The following PITPNA variants were observed in gnomAD, a reference collection of about 807,000 sequenced individuals.
The protein encoded by PITPNA is phosphatidylinositol transfer protein alpha isoform.
PITPNA carries 13 observed loss-of-function variants against 50.3 expected under a neutral mutation model. The observed-to-expected ratio is 0.26, with a 90% CI of 0.17 to 0.41. The LOEUF (loss-of-function observed/expected upper bound fraction) is 0.41, where lower values mean the gene tolerates loss of function less well. PITPNA is among the 10% of genes least tolerant of loss of function. PITPNA has a pLI of 1.00. For missense variants in PITPNA, 207 were observed against 333.4 expected (o/e 0.62, Z 2.95); for synonymous variants, 120 against 119.6 (o/e 1.00, Z -0.02).
In PITPNA at chr17:1,562,607, C is replaced by T; in HGVS notation, c.-47G>A. ...TGCCCGCGGCCCGCCCGGCCTCCCG[C>T]CCGCTGCCCGCCGGCCGCTCTCCCC... On this transcript the variant is annotated 5_prime_UTR_variant, in exon 1 of 12. Coordinates refer to ENST00000313486, the MANE Select transcript of PITPNA (RefSeq NM_006224.4). The surrounding 1 kb of genome is among the most constrained non-coding windows in gnomAD (Gnocchi z 6.4). The T allele has an allele frequency of 8.2e-7, 1 of 1,219,524 alleles. No individual in the cohort carries two copies. Among genetic ancestry groups the T allele is most frequent in the Non-Finnish European group, 1.0e-6 (1 of 976,856 alleles). 75.5% of individuals were successfully genotyped at this position (1,219,524 alleles called of 1,614,324 possible).
chr17:1,554,950 G>A (rs2075727951), intron 2 of PITPNA, among the ~76,000 whole-genome samples: 1 of 152,164 alleles, frequency 6.6e-6, no homozygotes, highest in Admixed American at 6.5e-5. Flanking sequence ...AGCTGTCCCT[G>A]TGCCTCTCCA....
In PITPNA at chr17:1,562,480, G is replaced by A; in HGVS notation, c.20+61C>T. 3.8e-6 allele frequency: 5 copies of A among 1,326,936 alleles called. No homozygotes were observed. The highest frequency in any genetic ancestry group is 5.0e-6 in the Non-Finnish European group (5 of 1,008,670). 82.2% of individuals were successfully genotyped at this position (1,326,936 alleles called of 1,614,324 possible). ...GCCCTGCGTCCCTCGCCGCGCCGTC[G>A]CCCCGGCGGCCGTCCCCACCCTCCC... On this transcript the variant is annotated intron_variant, in intron 1 of 11. Coordinates refer to ENST00000313486, the MANE Select transcript of PITPNA (RefSeq NM_006224.4). This position sits in a 1 kb window ranked among gnomAD's most constrained non-coding sequence, Gnocchi z 6.4.
intron 2 of PITPNA, 131 bp from the exon 3 acceptor site, chr17:1,553,280 A>C: frequency 1.0e-6 from 1 of 1,004,060 alleles, no homozygotes. Flanking sequence ...CTGGAGTTTC[A>C]CATCAGGCCT....
At chr17:1,534,847 G>GT (rs1184857032) in intron 9 of PITPNA, among the ~76,000 whole-genome samples, 1 of 152,178 alleles carries the variant, frequency 6.6e-6, no homozygotes, top group Non-Finnish European at 1.5e-5. Context: ...GCATTAAACC[G>GT]TAAGACATTT....
Position 1,548,361 on chromosome 17 carries a change from A to G in PITPNA, c.224T>C (p.Leu75Pro). The change falls in exon 4 of 12, where the codon CTG (leucine) becomes CCG (proline). Residue 75 changes from leucine to proline, a missense_variant. By Grantham distance (98) the Leu-to-Pro change is moderately conservative. Transcript: ENST00000313486. ...TATATTCAGGGCTCCCTCTGGGGCCAGCATTCGAACAAACGTGGGTACTTT... is the reference window on the plus strand; with the variant it reads ...TATATTCAGGGCTCCCTCTGGGGCCGGCATTCGAACAAACGTGGGTACTTT... ...QSKVPTFVRM[L>P]APEGALNIHE... 6.2e-7 allele frequency: 1 copy of G among 1,608,186 alleles called. No homozygotes were observed. Among genetic ancestry groups the G allele is most frequent in the Non-Finnish European group, 8.5e-7 (1 of 1,177,494 alleles).
intron 9 of PITPNA, among the ~76,000 whole-genome samples, chr17:1,534,724 C>T (rs962801287): frequency 2.6e-5 from 4 of 152,204 alleles, no homozygotes; most frequent in Non-Finnish European, 5.9e-5. Context: ...CTTTCAGCTG[C>T]AAGAAAAGAA....
intron 1 of PITPNA, among the ~76,000 whole-genome samples, chr17:1,560,353 G>C (rs2075761841): frequency 6.6e-6 from 1 of 151,712 alleles, no homozygotes; most frequent in South Asian, 2.1e-4. Flanking sequence ...CCCTTTCCAG[G>C]GCTGCAACGC....
At chr17:1,555,829 G>A (rs958020248) in intron 2 of PITPNA, among the ~76,000 whole-genome samples, 34 of 152,320 alleles carry the variant, frequency 2.2e-4, no homozygotes, top group African/African-American at 7.9e-4. Context: ...GACACACCCC[G>A]TCAAACAGCC....
At chr17:1,557,068 A>C (rs1257041598) in intron 2 of PITPNA, among the ~76,000 whole-genome samples, 1 of 152,158 alleles carries the variant, frequency 6.6e-6, no homozygotes, top group Non-Finnish European at 1.5e-5. Flanking sequence ...CCCAGTGCCT[A>C]CAGGGATTAG....
intron 3 of PITPNA, among the ~76,000 whole-genome samples, chr17:1,552,759 C>T (rs994308482): frequency 6.6e-6 from 1 of 152,162 alleles, no homozygotes; most frequent in Non-Finnish European, 1.5e-5. Flanking sequence ...CCTACACGGA[C>T]TTCAGAGACC....
rs1187252887 is a variant in PITPNA, at chr17:1,519,124, A to G, written c.*1437T>C. ...TCCCTTATTGCACTTAGAAATGAGTAAGGCAAACAAACTGACAAAAACAGG... is the reference window on the plus strand; with the variant it reads ...TCCCTTATTGCACTTAGAAATGAGTGAGGCAAACAAACTGACAAAAACAGG... On this transcript the variant is annotated 3_prime_UTR_variant, in exon 12 of 12. Coordinates refer to ENST00000313486, the MANE Select transcript of PITPNA (RefSeq NM_006224.4). The G allele has an allele frequency of 6.6e-6, 1 of 152,548 alleles. No homozygotes were observed. The highest frequency in any genetic ancestry group is 1.5e-5 in the Non-Finnish European group (1 of 68,048). The allele number at this position is 152,548 out of a possible 1,614,324, so 9.4% of individuals were successfully genotyped here.
At chr17:1,538,083 A>AGC (rs1395475218) in intron 7 of PITPNA, among the ~76,000 whole-genome samples, 3 of 152,170 alleles carry the variant, frequency 2.0e-5, no homozygotes, top group Non-Finnish European at 4.4e-5. Flanking sequence ...TACAGGCGTG[A>AGC]GCCACCGTGC....
At chr17:1,525,564 G>T (rs2075542701) in intron 10 of PITPNA, among the ~76,000 whole-genome samples, 1 of 144,988 alleles carries the variant, frequency 6.9e-6, no homozygotes. Context: ...TGTCGCCCAG[G>T]CTAGAGTGCA....
intron 2 of PITPNA, among the ~76,000 whole-genome samples, chr17:1,556,263 C>T (rs17821288): frequency 0.095 from 14,482 of 152,252 alleles, 846 homozygotes; most frequent in East Asian, 0.14. Flanking sequence ...TTGCTGAGAA[C>T]GGGCTGACCA....
At chr17:1,557,468 C>A (rs915987680) in intron 2 of PITPNA, among the ~76,000 whole-genome samples, 2 of 152,180 alleles carry the variant, frequency 1.3e-5, no homozygotes, top group African/African-American at 4.8e-5. Flanking sequence ...GGCTGACGAA[C>A]CTCACCCAAA....
chr17:1,536,425 C>T (rs1006661974), intron 7 of PITPNA, among the ~76,000 whole-genome samples: 42 of 148,730 alleles, frequency 2.8e-4, no homozygotes, highest in Non-Finnish European at 3.0e-5. Context: ...GCAACTGGGA[C>T]GACAGGTGCC....
At chr17:1,526,355 G>C (rs2075548043) in intron 10 of PITPNA, among the ~76,000 whole-genome samples, 2 of 152,370 alleles carry the variant, frequency 1.3e-5, no homozygotes, top group Non-Finnish European at 2.9e-5. Context: ...GGAGAGCTGT[G>C]ATGAATGGGG....
At chr17:1,550,788 C>A (rs2075704060) in intron 3 of PITPNA, among the ~76,000 whole-genome samples, 1 of 152,196 alleles carries the variant, frequency 6.6e-6, no homozygotes, top group African/African-American at 2.4e-5. Flanking sequence ...CGGACTTCGT[C>A]CTGAAGGCAA....
chr17:1,531,019 G>A (rs1395886154), intron 10 of PITPNA, among the ~76,000 whole-genome samples: 1 of 152,116 alleles, frequency 6.6e-6, no homozygotes, highest in Non-Finnish European at 1.5e-5. Flanking sequence ...CTCCTGCTCT[G>A]GAAGTCAAGC....
Sources: allele counts gnomAD v4.1 joint callset (sites outside exome capture counted in the v4.1 genomes callset), GRCh38; gene constraint gnomAD v4.1.1; non-coding constraint Gnocchi (gnomAD v3.1); transcripts MANE v1.5; gene names NCBI Gene and HGNC (gene_info 2026-07-23, HGNC 2026-07-21).